The following CRYBG1 variants were observed in gnomAD, a reference collection of about 807,000 sequenced individuals.
The protein encoded by CRYBG1 is beta/gamma crystallin domain-containing protein 1.
CRYBG1 carries 139 observed loss-of-function variants against 189.2 expected under a neutral mutation model. The observed-to-expected ratio is 0.73, with a 90% confidence interval of 0.64 to 0.85. CRYBG1 has a LOEUF of 0.85. CRYBG1 is among the 40% of genes least tolerant of loss of function. The pLI, the probability that CRYBG1 is intolerant of heterozygous loss-of-function variation, is 0.00. For synonymous variants in CRYBG1, 1,023 were observed against 1,017.1 expected (o/e 1.01, Z -0.11); for missense variants, 2,611 against 2,675.8 (o/e 0.98, Z 0.53).
chr6:106,472,703 T>C (rs996833594), intron 2 of CRYBG1, among the ~76,000 whole-genome samples: 1 of 151,026 alleles, frequency 6.6e-6, no homozygotes, highest in African/African-American at 2.4e-5. Flanking sequence ...GAAACCAGCC[T>C]GGCCAACAAG....
intron 1 of CRYBG1, among the ~76,000 whole-genome samples, chr6:106,448,437 G>C (rs1238719642): frequency 2.6e-5 from 4 of 152,084 alleles, no homozygotes; most frequent in Non-Finnish European, 5.9e-5. Context: ...CCTTCCCCCA[G>C]GGCCATGTGT....
Position 106,519,127 on chromosome 6 carries a change from A to AT in CRYBG1, c.1923-4_1923-3insT. On this transcript the variant is annotated splice_polypyrimidine_tract_variant and splice_region_variant and intron_variant, in intron 3 of 21. Coordinates refer to ENST00000633556, the MANE Select transcript of CRYBG1 (RefSeq NM_001371242.2). ...AACTTTATCTTCCTGCTTTTTCCTC[A>AT]CAGCCCTGCCAAGCCCAAACATGTG... The AT allele has an allele frequency of 6.3e-7, 1 of 1,596,770 alleles. No homozygotes were observed. The highest frequency in any genetic ancestry group is 1.4e-5 in the African/African-American group (1 of 73,916).
intron 1 of CRYBG1, among the ~76,000 whole-genome samples, chr6:106,450,788 C>T (rs1771767923): frequency 6.6e-6 from 1 of 152,212 alleles, no homozygotes; most frequent in South Asian, 2.1e-4. Context: ...ACTTTCTCTT[C>T]TTGTAGAAGA....
At chr6:106,385,647 T>C (rs1770372086) in intron 1 of CRYBG1, among the ~76,000 whole-genome samples, 1 of 152,222 alleles carries the variant, frequency 6.6e-6, no homozygotes, top group South Asian at 2.1e-4. Context: ...GTTGTTTCAT[T>C]GTAAACGTCG....
intron 1 of CRYBG1, chr6:106,420,668 T>A (rs1222910533): frequency 6.5e-6 from 1 of 152,774 alleles, no homozygotes; most frequent in Non-Finnish European, 1.5e-5. Flanking sequence ...AAGCACATAA[T>A]CCCTTTGGCA....
chr6:106,561,397 A>G lies in CRYBG1; in HGVS notation c.6035A>G (p.Asn2012Ser), dbSNP rs1443143062. The change falls in exon 20 of 22, where the codon AAT (asparagine) becomes AGT (serine). Residue 2012 changes from asparagine (N) to serine (S), a missense_variant. Asn to Ser is a conservative substitution (Grantham distance 46). Around this residue, in one of 3 missense-constraint regions of CRYBG1, gnomAD observed 1,622 missense variants for 1,735.0 expected, o/e 0.93. Coordinates refer to ENST00000633556, the MANE Select transcript of CRYBG1 (RefSeq NM_001371242.2). ...GCAACAGGGTTATTCATGTCAACCA[A>G]TGGAAACTTAGAGGATCTGAAGCTT... Reference protein sequence around the residue: ...NKATGLFMSTNGNLEDLKLLR... With the variant: ...NKATGLFMSTSGNLEDLKLLR... 2 of 1,614,060 alleles carry G rather than the reference A, an allele frequency of 1.2e-6. No homozygotes were observed. Among genetic ancestry groups the G allele is most frequent in the Non-Finnish European group, 1.7e-6 (2 of 1,180,026 alleles).
At chr6:106,489,741 C>T (rs1196867874) in intron 2 of CRYBG1, among the ~76,000 whole-genome samples, 1 of 54,306 alleles carries the variant, frequency 1.8e-5, no homozygotes, top group Non-Finnish European at 3.0e-5. Context: ...TGCAGTGAAA[C>T]AAGATTGTGC....
intron 2 of CRYBG1, among the ~76,000 whole-genome samples, chr6:106,487,688 GA>G (rs1772622769): frequency 1.3e-5 from 2 of 151,890 alleles, no homozygotes; most frequent in African/African-American, 4.8e-5. Context: ...TCTTTTTGTT[GA>G]ATTTCTCATA....
intron 1 of CRYBG1, among the ~76,000 whole-genome samples, chr6:106,372,660 A>T (rs1288621889): frequency 6.6e-6 from 1 of 152,218 alleles, no homozygotes; most frequent in South Asian, 2.1e-4. Context: ...GGCATGCGGG[A>T]ATGAAGGGAA....
chr6:106,436,073 A>G (rs1304766285), intron 1 of CRYBG1, among the ~76,000 whole-genome samples: 1 of 152,204 alleles, frequency 6.6e-6, no homozygotes, highest in East Asian at 1.9e-4. Context: ...TATTACTGCC[A>G]CTCAAAATCT....
intron 1 of CRYBG1, among the ~76,000 whole-genome samples, chr6:106,431,935 T>C (rs766067164): frequency 6.6e-6 from 1 of 152,176 alleles, no homozygotes; most frequent in Non-Finnish European, 1.5e-5. Context: ...CACAAGGCTA[T>C]GTTGACATGG....
chr6:106,399,658 C>CTTTTTTTTTTTTTTTTT, intron 1 of CRYBG1, among the ~76,000 whole-genome samples: 1 of 140,316 alleles, frequency 7.1e-6, no homozygotes, highest in Non-Finnish European at 1.5e-5. Flanking sequence ...GTTTTTCTTT[C>CTTTTTTTTTTTTTTTTT]TTTTTTTTTT....
intron 1 of CRYBG1, among the ~76,000 whole-genome samples, chr6:106,370,227 T>C (rs1281318836): frequency 6.6e-6 from 1 of 152,216 alleles, no homozygotes; most frequent in African/African-American, 2.4e-5. Context: ...GTATCATGTG[T>C]AGATTCTGAG....
chr6:106,459,860 A>G (rs1269788664), intron 2 of CRYBG1, among the ~76,000 whole-genome samples: 1 of 152,188 alleles, frequency 6.6e-6, no homozygotes, highest in African/African-American at 2.4e-5. Flanking sequence ...CCGTTGAAAA[A>G]GGTTTATCAA....
intron 1 of CRYBG1, among the ~76,000 whole-genome samples, chr6:106,377,621 T>TATATATATATATATATATATATA (rs1419204336): frequency 6.0e-4 from 42 of 69,482 alleles, no homozygotes; most frequent in African/African-American, 1.1e-3. Flanking sequence ...TCCTAAGGTT[T>TATATATATATATATATATATATA]TATATATATA....
intron 2 of CRYBG1, chr6:106,457,034 A>C (rs944698735): frequency 2.6e-5 from 4 of 152,228 alleles, no homozygotes; most frequent in African/African-American, 4.8e-5. Flanking sequence ...CCAGATCTTG[A>C]AGTCCAACCC....
Position 106,512,723 on chromosome 6 carries a change from C to T in CRYBG1, c.1606C>T (p.Pro536Ser), listed in dbSNP as rs1363105051. Residue 536 changes from proline (P) to serine (S), a missense_variant, in exon 3 of 22, where the codon CCC becomes TCC. Around this residue, in one of 3 missense-constraint regions of CRYBG1, gnomAD observed 985 missense variants for 924.4 expected, o/e 1.07. Coordinates refer to ENST00000633556, the MANE Select transcript of CRYBG1 (RefSeq NM_001371242.2). ...CCCGCCCGCCAGCGGCCCCCGGGCT[C>T]CCGCCAAGGAGTCCCCACCCAAGAG... ...PAPPASGPRA[P>S]AKESPPKRVP... is the part of the protein sequence containing the mutation. 7 of 1,557,804 alleles carry T rather than the reference C, an allele frequency of 4.5e-6. No homozygotes were observed. The highest frequency in any genetic ancestry group is 1.4e-5 in the African/African-American group (1 of 73,522).
intron 17 of CRYBG1, 90 bp downstream of exon 17, chr6:106,555,987 CTTAAAG>C (rs1774536368): frequency 6.9e-7 from 1 of 1,454,790 alleles, no homozygotes; most frequent in Non-Finnish European, 9.6e-7. Flanking sequence ...AGAACCTGCT[CTTAAAG>C]TTAGTTAAGG....
chr6:106,563,107 T>C (rs1368278122), intron 20 of CRYBG1, among the ~76,000 whole-genome samples: 1 of 152,238 alleles, frequency 6.6e-6, no homozygotes, highest in Non-Finnish European at 1.5e-5. Flanking sequence ...TAATTTTTGT[T>C]AATGGCATGT....
Sources: gnomAD v4.1 joint callset for allele counts (sites outside exome capture counted in the v4.1 genomes callset) on GRCh38, gnomAD v4.1.1 for gene constraint, gnomAD v4.1.1 regional missense constraint, MANE v1.5 for transcripts, NCBI Gene and HGNC (gene_info 2026-07-23, HGNC 2026-07-21) for gene names.